The following CALN1 variants were observed in gnomAD, a reference collection of about 807,000 sequenced individuals.
CALN1 encodes the protein calcium-binding protein 8.
A neutral mutation model predicts 30.6 loss-of-function variants in CALN1; 17 were observed. That is an observed-to-expected ratio of 0.56 (90% CI 0.38 to 0.83). The LOEUF is 0.83. Among genes scored for constraint, CALN1 ranks in the 40% least tolerant of loss-of-function variants. CALN1 has a pLI of 0.00. For missense variants in CALN1, 291 were observed against 354.9 expected, an observed-to-expected ratio of 0.82 and a Z score of 1.45; for synonymous variants, 156 against 131.4, an observed-to-expected ratio of 1.19 and a Z score of -1.28.
chr7:72,161,243 C>A lies in CALN1; in HGVS notation c.245-54949G>T, dbSNP rs550484550. 3.3e-5 allele frequency among the ~76,000 whole-genome samples: 5 copies of A among 152,294 alleles called. No individual in the cohort carries two copies. The South Asian group carries it at 8.3e-4, about 25-fold the overall frequency. ...AAGGGAACCTCCAAATTGTCCACAT[C>A]TTTCTTTCTTTCTGTATTCCCTGAC... is the stretch of plus-strand genomic sequence containing the variant. On this transcript the variant is annotated intron_variant, in intron 3 of 6. Transcript: ENST00000395275.
rs778334231 is a variant in CALN1, at chr7:72,106,278, A to G, written c.261T>C (p.Phe87=). The change falls in exon 4 of 7, where the codon TTT becomes TTC. Residue 87 remains phenylalanine (F), a synonymous_variant. Coordinates refer to ENST00000395275, the MANE Select transcript of CALN1 (RefSeq NM_031468.4). ...CGTTCCCATCCCGGTCCAGAACCCG[A>G]AAGGCCTCTCGGATTTCTACAATGG... ...VEELDEIREA[F]RVLDRDGNGF... is the part of the protein sequence containing the mutation. 6.2e-7 allele frequency: 1 copy of G among 1,614,074 alleles called. No individual in the cohort carries two copies. Among genetic ancestry groups the G allele is most frequent in the Non-Finnish European group, 8.5e-7 (1 of 1,180,012 alleles).
intron 3 of CALN1, among the ~76,000 whole-genome samples, chr7:72,211,420 C>A (rs1418777918): frequency 6.6e-6 from 1 of 152,158 alleles, no homozygotes; most frequent in Non-Finnish European, 1.5e-5. Flanking sequence ...AGATGGAGCT[C>A]CATTTTGCCT....
intron 6 of CALN1, among the ~76,000 whole-genome samples, chr7:71,799,601 G>A (rs987843298): frequency 4.0e-5 from 6 of 151,878 alleles, no homozygotes; most frequent in East Asian, 3.9e-4. Flanking sequence ...TAGTAGCTGC[G>A]ATTACAGGTG....
chr7:72,400,567 G>A (rs895925010), intron 2 of CALN1, among the ~76,000 whole-genome samples: 1 of 152,140 alleles, frequency 6.6e-6, no homozygotes, highest in South Asian at 2.1e-4. Flanking sequence ...ATTACATGAG[G>A]CGAGATTAAG....
chr7:71,839,480 C>G (rs888538256), intron 5 of CALN1, among the ~76,000 whole-genome samples: 2 of 152,100 alleles, frequency 1.3e-5, no homozygotes, highest in African/African-American at 4.8e-5. Context: ...TATAGTGAGC[C>G]GAGATTGCAC....
At chr7:72,383,161 C>T (rs1022653141) in intron 2 of CALN1, among the ~76,000 whole-genome samples, 5 of 152,146 alleles carry the variant, frequency 3.3e-5, no homozygotes, top group South Asian at 2.1e-4. Context: ...CCAAATCCAC[C>T]GCTGATGAGC....
chr7:72,097,147 C>T (rs559322543), intron 4 of CALN1, among the ~76,000 whole-genome samples: 54 of 150,342 alleles, frequency 3.6e-4, no homozygotes, highest in Admixed American at 1.2e-3. Flanking sequence ...TATCACACAC[C>T]GGGGCCTGTC....
intron 4 of CALN1, among the ~76,000 whole-genome samples, chr7:72,048,039 TTC>T (rs1417076603): frequency 1.0e-3 from 92 of 90,860 alleles, no homozygotes; most frequent in African/African-American, 2.9e-3. Context: ...CTTCTTCTTC[TTC>T]TTTTTTTTTT....
At chr7:72,415,102 C>G (rs893623572), upstream of CALN1, among the ~76,000 whole-genome samples, 1 of 152,246 alleles carries the variant, frequency 6.6e-6, no homozygotes, top group South Asian at 2.1e-4. Context: ...CATGCTGGCA[C>G]TTTGACCTTG....
intron 6 of CALN1, among the ~76,000 whole-genome samples, chr7:71,791,689 T>A (rs1489081571): frequency 1.3e-5 from 2 of 152,080 alleles, no homozygotes; most frequent in Admixed American, 1.3e-4. Context: ...TGCACATGTA[T>A]CCCTGAACCT....
At chr7:72,012,271 A>T (rs561151755) in intron 5 of CALN1, among the ~76,000 whole-genome samples, 1 of 152,134 alleles carries the variant, frequency 6.6e-6, no homozygotes, top group Non-Finnish European at 1.5e-5. Flanking sequence ...TAATCCCAGC[A>T]CTTTGGGAGG....
chr7:71,908,867 T>TG (rs1237564283), intron 5 of CALN1, among the ~76,000 whole-genome samples: 1 of 152,212 alleles, frequency 6.6e-6, no homozygotes, highest in East Asian at 1.9e-4. Context: ...ATCAGGGTGT[T>TG]CTTAATCTTC....
rs573617644 is a variant in CALN1, at chr7:72,167,356, T to A, written c.245-61062A>T. 2.3e-5 allele frequency among the ~76,000 whole-genome samples: 3 copies of A among 128,182 alleles called. No homozygotes were observed. The South Asian group carries it at 8.0e-4, about 34-fold the overall frequency. 84.1% of individuals were successfully genotyped at this position (128,182 alleles called of 152,430 possible). On this transcript the variant is annotated intron_variant, in intron 3 of 6. Transcript: ENST00000395275. The stretch of plus-strand genomic sequence containing the variant: ...TTTTTTGTTGTTGGTTTTGTTTTTG[T>A]TTTTTTGAGACAGCGTCTTTCTCTG...
At chr7:72,455,308 A>AAT in the CALN1 span, among the ~76,000 whole-genome samples, 226 of 139,622 alleles carry the variant, frequency 1.6e-3, 1 homozygote, top group Non-Finnish European at 2.1e-3. Context: ...TTCTAGAAAC[A>AAT]ATATATATAT....
chr7:72,352,937 A>G (rs991200847), intron 2 of CALN1, among the ~76,000 whole-genome samples: 2 of 152,206 alleles, frequency 1.3e-5, no homozygotes, highest in African/African-American at 4.8e-5. Flanking sequence ...ATAAAAAAGA[A>G]TAACAAGGGA....
chr7:72,376,369 G>A (rs181959263), intron 2 of CALN1, among the ~76,000 whole-genome samples: 76 of 152,284 alleles, frequency 5.0e-4, no homozygotes, highest in African/African-American at 1.8e-3. Context: ...GGTTTACAAT[G>A]TCTCCGCATC....
chr7:71,848,878 CCTTTA>C (rs1413106236), intron 5 of CALN1, among the ~76,000 whole-genome samples: 11 of 152,182 alleles, frequency 7.2e-5, no homozygotes, highest in East Asian at 1.9e-4. Flanking sequence ...GGGTTGTTCA[CCTTTA>C]CTTTTTAAAT....
At chr7:71,830,791 T>C (rs1326938456) in intron 5 of CALN1, among the ~76,000 whole-genome samples, 3 of 152,194 alleles carry the variant, frequency 2.0e-5, no homozygotes, top group Admixed American at 2.0e-4. Flanking sequence ...AAAATAGAGA[T>C]GATATTGTTT....
intron 3 of CALN1, among the ~76,000 whole-genome samples, chr7:72,252,433 C>G (rs764513839): frequency 2.0e-5 from 3 of 152,028 alleles, no homozygotes; most frequent in Non-Finnish European, 4.4e-5. Context: ...GACCTCTTCT[C>G]TACTAAAAAT....
Sources: allele counts gnomAD v4.1 joint callset (sites outside exome capture counted in the v4.1 genomes callset), GRCh38; gene constraint gnomAD v4.1.1; transcripts MANE v1.5; gene names NCBI Gene and HGNC (gene_info 2026-07-23, HGNC 2026-07-21).